VPS37A: variants seen among roughly 807,000 people sequenced by gnomAD.
VPS37A encodes the protein vacuolar protein sorting-associated protein 37A.
VPS37A carries 30 observed loss-of-function variants against 49.8 expected under a neutral mutation model. That is an observed-to-expected ratio of 0.60 (90% CI 0.45 to 0.82). The LOEUF (loss-of-function observed/expected upper bound fraction) is 0.82, where lower values mean the gene tolerates loss of function less well. Among genes scored for constraint, VPS37A ranks in the 40% least tolerant of loss-of-function variants. The probability of loss-of-function intolerance (pLI) is 0.00; values close to 1 mark genes in which losing one functional copy is unlikely to be tolerated. For missense variants in VPS37A, 593 were observed against 464.4 expected (o/e 1.28, Z -2.55); for synonymous variants, 195 against 160.6 (o/e 1.21, Z -1.62).
the VPS37A span, chr8:17,331,010 T>C: frequency 1.9e-6 from 2 of 1,036,226 alleles, no homozygotes; most frequent in Admixed American, 6.1e-5. Context: ...CTTAAGTGTT[T>C]AAAAAGCCAC....
At chr8:17,248,592 A>G (rs1563230228) in intron 1 of VPS37A, among the ~76,000 whole-genome samples, 1 of 152,212 alleles carries the variant, frequency 6.6e-6, no homozygotes, top group Non-Finnish European at 1.5e-5. Flanking sequence ...CCTTTTAAAA[A>G]TATTATTTTC....
At chr8:17,319,953 T>C in the VPS37A span, among the ~76,000 whole-genome samples, 5 of 152,158 alleles carry the variant, frequency 3.3e-5, no homozygotes, top group Admixed American at 3.3e-4. Flanking sequence ...ACTTGAAATA[T>C]GTCTGATCAG....
chr8:17,277,889 C>CACACACAT (rs1554495305), intron 6 of VPS37A, among the ~76,000 whole-genome samples: 7 of 151,474 alleles, frequency 4.6e-5, no homozygotes, highest in African/African-American at 1.7e-4. Context: ...CACACACACA[C>CACACACAT]ACACACACAC....
chr8:17,269,055 T>C (rs1045279401), intron 4 of VPS37A, 99 bp downstream of exon 4: 11 of 806,464 alleles, frequency 1.4e-5, no homozygotes, highest in Non-Finnish European at 1.9e-5. Context: ...ATCAGTCCTC[T>C]GATTTCTACA....
intron 11 of VPS37A, among the ~76,000 whole-genome samples, chr8:17,290,706 G>A (rs189630634): frequency 2.6e-5 from 4 of 152,308 alleles, no homozygotes; most frequent in Admixed American, 1.3e-4. Flanking sequence ...ATCAGTTAGG[G>A]AGGAGTCCCT....
At chr8:17,331,797 T>C in the VPS37A span, among the ~76,000 whole-genome samples, 1 of 152,158 alleles carries the variant, frequency 6.6e-6, no homozygotes, top group Admixed American at 6.5e-5. Context: ...CAGTTAAACC[T>C]TGAGCAGGAA....
At chr8:17,328,934 C>A in the VPS37A span, among the ~76,000 whole-genome samples, 1 of 152,186 alleles carries the variant, frequency 6.6e-6, no homozygotes, top group Non-Finnish European at 1.5e-5. Flanking sequence ...ATTAGATCAT[C>A]TCTATAGAGG....
chr8:17,300,992 A>G (rs772679175), downstream of VPS37A, among the ~76,000 whole-genome samples: 1 of 152,228 alleles, frequency 6.6e-6, no homozygotes, highest in Non-Finnish European at 1.5e-5. Context: ...CATTACATGG[A>G]TATACCAGAT....
chr8:17,326,411 C>T, the VPS37A span: 2 of 152,088 alleles, frequency 1.3e-5, no homozygotes, highest in Admixed American at 6.5e-5. Flanking sequence ...ATCTTCATTA[C>T]GATGTGAGGT....
the VPS37A span, among the ~76,000 whole-genome samples, chr8:17,307,429 C>G: frequency 6.6e-6 from 1 of 152,166 alleles, no homozygotes; most frequent in East Asian, 1.9e-4. Context: ...CACTTTTACA[C>G]TGTTGGTGGG....
intron 1 of VPS37A, among the ~76,000 whole-genome samples, chr8:17,258,823 C>T (rs1467241227): frequency 6.6e-6 from 1 of 151,774 alleles, no homozygotes; most frequent in African/African-American, 2.4e-5. Context: ...TCTATTTTAT[C>T]ATGGTTTAAT....
At chr8:17,305,651 G>A (rs1817400461), downstream of VPS37A, 1 of 918,662 alleles carries the variant, frequency 1.1e-6, no homozygotes, top group South Asian at 1.6e-5. Context: ...GTATAGGTAT[G>A]TGACTAAATG....
chr8:17,259,816 T>C (rs1002661550), intron 1 of VPS37A, among the ~76,000 whole-genome samples: 4 of 152,118 alleles, frequency 2.6e-5, no homozygotes, highest in African/African-American at 9.7e-5. Flanking sequence ...CTTTATCATT[T>C]TATATAGTGA....
the VPS37A span, among the ~76,000 whole-genome samples, chr8:17,308,323 A>C: frequency 6.6e-6 from 1 of 152,176 alleles, no homozygotes; most frequent in South Asian, 2.1e-4. Context: ...ATAGAACCCC[A>C]AACTGAAAAT....
chr8:17,299,633 A>G (rs573480935), downstream of VPS37A: 6 of 555,420 alleles, frequency 1.1e-5, no homozygotes, highest in East Asian at 1.9e-4. Flanking sequence ...GTCTAGGGTG[A>G]GCTTCAAAAT....
intron 11 of VPS37A, among the ~76,000 whole-genome samples, chr8:17,293,888 A>G (rs1178680551): frequency 6.6e-6 from 1 of 152,058 alleles, no homozygotes; most frequent in Admixed American, 6.5e-5. Context: ...CTGTCTGTCA[A>G]CCCCTGCTGG....
downstream of VPS37A, chr8:17,299,928 C>T: frequency 6.2e-7 from 1 of 1,614,162 alleles, no homozygotes; most frequent in Non-Finnish European, 8.5e-7. Context: ...TCGGTGCATG[C>T]TCACCACCAC....
chr8:17,290,273 A>G lies in VPS37A; in HGVS notation c.*3846A>G, dbSNP rs571538632. On this transcript the variant is annotated intron_variant, in intron 11 of 11. Coordinates refer to ENST00000324849, the MANE Select transcript of VPS37A (RefSeq NM_152415.3). Reference sequence around the variant, plus strand: ...TGTCTTGTGCCAGTTTTCAAAGGCAATGCTTCCAGCTTTTGCCCATTCAGT... The same window carrying G: ...TGTCTTGTGCCAGTTTTCAAAGGCAGTGCTTCCAGCTTTTGCCCATTCAGT... Among the ~76,000 whole-genome samples, 107 of 152,282 alleles carry G rather than the reference A, an allele frequency of 7.0e-4. 2 individuals carry two copies. The highest frequency in any genetic ancestry group is 3.4e-3 in the Middle Eastern group (1 of 294).
At chr8:17,291,218 G>A (rs1230093168) in intron 11 of VPS37A, among the ~76,000 whole-genome samples, 3 of 152,072 alleles carry the variant, frequency 2.0e-5, no homozygotes, top group African/African-American at 7.2e-5. Context: ...TCACCATGTT[G>A]GCCAGGCTAG....
Sources: gnomAD v4.1 joint callset for allele counts (sites outside exome capture counted in the v4.1 genomes callset) on GRCh38, gnomAD v4.1.1 for gene constraint, MANE v1.5 for transcripts, NCBI Gene and HGNC (gene_info 2026-07-23, HGNC 2026-07-21) for gene names.